The following IMMP2L variants were observed in gnomAD, a reference collection of about 807,000 sequenced individuals.
IMMP2L encodes inner mitochondrial membrane peptidase subunit 2.
Under a neutral mutation model 19.3 loss-of-function variants are expected in IMMP2L, and 18 were observed. That is an observed-to-expected ratio of 0.93 (90% confidence interval 0.64 to 1.38). The LOEUF is 1.38. Among genes scored for constraint, IMMP2L ranks in the 40% most tolerant of loss-of-function variants. The pLI is 0.00. For synonymous variants in IMMP2L, 76 were observed against 73.0 expected, an observed-to-expected ratio of 1.04 and a Z score of -0.21; for missense variants, 233 against 218.2, an observed-to-expected ratio of 1.07 and a Z score of -0.43.
intron 3 of IMMP2L, among the ~76,000 whole-genome samples, chr7:111,471,582 A>G (rs1229913838): frequency 6.6e-6 from 1 of 152,128 alleles, no homozygotes; most frequent in African/African-American, 2.4e-5. Context: ...TTAATATTTT[A>G]ATATTAATTA....
In IMMP2L at chr7:111,562,070, AG is replaced by A. The variant is rs1435410122; in HGVS notation, c.-223del. ...CACGGCCAGAGCCGGGGGCCGGACT[AG>A]GCCCCTTTGTGAGGACTGGGAGAGG... On this transcript the variant is annotated 5_prime_UTR_variant, in exon 1 of 6. Coordinates refer to ENST00000405709, the MANE Select transcript of IMMP2L (RefSeq NM_032549.4). 6.6e-6 allele frequency: 1 copy of A among 152,278 alleles called. No individual in the cohort carries two copies. Among genetic ancestry groups the A allele is most frequent in the Non-Finnish European group, 1.5e-5 (1 of 68,122 alleles). The allele number at this position is 152,278 out of a possible 1,614,324, so 9.4% of individuals were successfully genotyped here. A position where few individuals can be genotyped will look rare whatever the true frequency, so the allele number is the denominator to read the frequency against.
chr7:111,377,875 CATA>C (rs987736881), intron 3 of IMMP2L, among the ~76,000 whole-genome samples: 2 of 150,688 alleles, frequency 1.3e-5, no homozygotes, highest in Non-Finnish European at 3.0e-5. Context: ...TATATCTTAT[CATA>C]ATACTATACA....
chr7:110,813,496 T>A (rs571765513), intron 5 of IMMP2L, among the ~76,000 whole-genome samples: 2 of 151,626 alleles, frequency 1.3e-5, no homozygotes, highest in Non-Finnish European at 2.9e-5. Context: ...GGTGTGATCA[T>A]AGCACACAGT....
rs1421668423 is a variant in IMMP2L at position 111,487,293 on chromosome 7, T to A, written c.184A>T (p.Asn62Tyr). Reference protein sequence around the residue: ...GSQSSDVVLLNHWKVRNFEVH... With the variant: ...GSQSSDVVLLYHWKVRNFEVH... ...TCAAAATTCCTCACTTTCCAGTGGTTCAAAAGCACCACATCAGATGACTGG... is the reference window on the plus strand; with the variant it reads ...TCAAAATTCCTCACTTTCCAGTGGTACAAAAGCACCACATCAGATGACTGG... Residue 62 changes from asparagine to tyrosine, a missense_variant, in exon 3 of 6, where the codon AAC becomes TAC. By Grantham distance (143) the Asn-to-Tyr change is moderately radical (BLOSUM62 -2). Coordinates refer to ENST00000405709, the MANE Select transcript of IMMP2L (RefSeq NM_032549.4). 3 of 1,611,242 alleles carry A rather than the reference T, an allele frequency of 1.9e-6. No individual in the cohort carries two copies. Among genetic ancestry groups the A allele is most frequent in the Non-Finnish European group, 2.5e-6 (3 of 1,177,644 alleles).
rs1377554599 is a variant in IMMP2L at position 111,092,225 on chromosome 7, A to ACTGC, written c.240-128664_240-128661dup. Among the ~76,000 whole-genome samples, 8 of 152,182 alleles carry ACTGC rather than the reference A, an allele frequency of 5.3e-5. No homozygotes were observed. The East Asian group carries it at 1.5e-3, about 29-fold the overall frequency. ...ATGTCTGATTGCTAATGCAGCTGGA[A>ACTGC]CTGCCACACACTAGGTGAAAGGATC... is the stretch of plus-strand genomic sequence containing the variant. On this transcript the variant is annotated intron_variant, in intron 3 of 5. Coordinates refer to ENST00000405709, the MANE Select transcript of IMMP2L (RefSeq NM_032549.4).
chr7:111,064,182 G>A (rs535641428), intron 3 of IMMP2L, among the ~76,000 whole-genome samples: 27 of 152,272 alleles, frequency 1.8e-4, no homozygotes, highest in African/African-American at 6.3e-4. Flanking sequence ...AGCTTGTGCA[G>A]GGAAACTCTT....
chr7:111,393,527 C>G (rs942536402), intron 3 of IMMP2L, among the ~76,000 whole-genome samples: 1 of 152,166 alleles, frequency 6.6e-6, no homozygotes, highest in African/African-American at 2.4e-5. Context: ...CAGGGAATAT[C>G]TGCAGTCTGT....
intron 3 of IMMP2L, among the ~76,000 whole-genome samples, chr7:111,033,267 A>G (rs1178671540): frequency 6.6e-6 from 1 of 152,238 alleles, no homozygotes; most frequent in Non-Finnish European, 1.5e-5. Flanking sequence ...AATTAAAACA[A>G]TTAGATACTA....
intron 5 of IMMP2L, among the ~76,000 whole-genome samples, chr7:110,671,397 T>A (rs541469617): frequency 1.3e-5 from 2 of 152,250 alleles, no homozygotes; most frequent in Non-Finnish European, 2.9e-5. Flanking sequence ...CCATGGATCA[T>A]TGTATTCACT....
intron 3 of IMMP2L, among the ~76,000 whole-genome samples, chr7:111,421,443 T>G (rs984878455): frequency 6.6e-6 from 1 of 150,948 alleles, no homozygotes; most frequent in Non-Finnish European, 1.5e-5. Context: ...CTAATTTTTT[T>G]TTGTATTTTT....
chr7:111,374,808 C>T (rs1443450671), intron 3 of IMMP2L, among the ~76,000 whole-genome samples: 1 of 152,146 alleles, frequency 6.6e-6, no homozygotes, highest in African/African-American at 2.4e-5. Flanking sequence ...TGTGTGAAGA[C>T]ACTGGATGCT....
At chr7:111,304,099 T>A (rs1456173524) in intron 3 of IMMP2L, among the ~76,000 whole-genome samples, 1 of 152,146 alleles carries the variant, frequency 6.6e-6, no homozygotes, top group African/African-American at 2.4e-5. Context: ...TAATTATTCA[T>A]AACGAATATT....
chr7:111,123,716 A>C lies in IMMP2L; in HGVS notation c.240-160151T>G. 6.2e-7 allele frequency: 1 copy of C among 1,613,934 alleles called. No individual in the cohort carries two copies. The highest frequency in any genetic ancestry group is 8.5e-7 in the Non-Finnish European group (1 of 1,179,938). On this transcript the variant is annotated intron_variant, in intron 3 of 5. Coordinates refer to ENST00000405709, the MANE Select transcript of IMMP2L (RefSeq NM_032549.4). This position sits in a 1 kb window ranked among gnomAD's most constrained non-coding sequence, Gnocchi z 6.4. ...AACCTGCCAGATTTAAGAAAAATAG[A>C]AGCTACTAACAACCCTAGATTGTCT...
At chr7:111,335,974 T>C (rs1826357579) in intron 3 of IMMP2L, among the ~76,000 whole-genome samples, 1 of 152,150 alleles carries the variant, frequency 6.6e-6, no homozygotes, top group Non-Finnish European at 1.5e-5. Context: ...TTGTACTTTG[T>C]ACATCAATAG....
chr7:110,895,895 T>C (rs192534408), intron 4 of IMMP2L, among the ~76,000 whole-genome samples: 23 of 152,312 alleles, frequency 1.5e-4, no homozygotes, highest in Admixed American at 1.4e-3. Context: ...TAAACTCTCT[T>C]ATTCTAGTTT....
At chr7:111,252,731 T>C (rs1015969449) in intron 3 of IMMP2L, among the ~76,000 whole-genome samples, 1 of 152,150 alleles carries the variant, frequency 6.6e-6, no homozygotes, top group Non-Finnish European at 1.5e-5. Context: ...TGGCATAATA[T>C]GCAAATAATT....
At chr7:111,417,158 A>C (rs1422454754) in intron 3 of IMMP2L, among the ~76,000 whole-genome samples, 1 of 151,792 alleles carries the variant, frequency 6.6e-6, no homozygotes, top group African/African-American at 2.4e-5. Flanking sequence ...CTCATCATAA[A>C]GCTTAAGCTT....
intron 3 of IMMP2L, among the ~76,000 whole-genome samples, chr7:111,005,526 C>T (rs74949855): frequency 0.03 from 4,529 of 152,236 alleles, 232 homozygotes; most frequent in African/African-American, 0.1. Context: ...TGTGTAACAA[C>T]TAGTCCAACA....
chr7:111,309,143 A>G (rs1823215685), intron 3 of IMMP2L, among the ~76,000 whole-genome samples: 1 of 152,092 alleles, frequency 6.6e-6, no homozygotes, highest in Non-Finnish European at 1.5e-5. Context: ...GAGAGAAGGA[A>G]GAAAAAATAA....
Sources: allele counts gnomAD v4.1 joint callset (sites outside exome capture counted in the v4.1 genomes callset), GRCh38; gene constraint gnomAD v4.1.1; non-coding constraint Gnocchi (gnomAD v3.1); transcripts MANE v1.5; gene names NCBI Gene and HGNC (gene_info 2026-07-23, HGNC 2026-07-21).